The following STXBP5L variants were observed in gnomAD, a reference collection of about 807,000 sequenced individuals.
STXBP5L encodes syntaxin binding protein 5L.
STXBP5L carries 65 observed loss-of-function variants against 144.5 expected under a neutral mutation model. That is an observed-to-expected ratio of 0.45 (90% CI 0.37 to 0.55). The LOEUF is 0.55. Among genes scored for constraint, STXBP5L ranks in the 20% least tolerant of loss-of-function variants. The pLI, the probability that STXBP5L is intolerant of heterozygous loss-of-function variation, is 0.00. For synonymous variants in STXBP5L, 505 were observed against 469.6 expected (o/e 1.08, Z -0.97); for missense variants, 1,298 against 1,405.5 (o/e 0.92, Z 1.22).
intron 7 of STXBP5L, among the ~76,000 whole-genome samples, chr3:121,135,628 G>A (rs1044494155): frequency 6.6e-6 from 1 of 152,176 alleles, no homozygotes; most frequent in African/African-American, 2.4e-5. Context: ...ATCTAATGCT[G>A]CAGCTGATCT....
intron 5 of STXBP5L, among the ~76,000 whole-genome samples, chr3:121,058,349 C>A (rs987061571): frequency 6.6e-6 from 1 of 152,176 alleles, no homozygotes; most frequent in Non-Finnish European, 1.5e-5. Flanking sequence ...TGTACATGTG[C>A]CACATTTACT....
At chr3:121,047,504 T>C (rs994977689) in intron 5 of STXBP5L, among the ~76,000 whole-genome samples, 2 of 152,180 alleles carry the variant, frequency 1.3e-5, no homozygotes, top group Non-Finnish European at 2.9e-5. Flanking sequence ...TTTGTAGGTC[T>C]CTAAGAACTC....
chr3:120,988,570 T>G (rs1379139347), intron 3 of STXBP5L, among the ~76,000 whole-genome samples: 2 of 152,238 alleles, frequency 1.3e-5, no homozygotes, highest in South Asian at 4.1e-4. Context: ...GAGAAACATG[T>G]ATGTTGTTCT....
intron 9 of STXBP5L, among the ~76,000 whole-genome samples, chr3:121,160,896 C>G (rs564542692): frequency 5.5e-4 from 84 of 152,146 alleles, no homozygotes; most frequent in Middle Eastern, 3.4e-3. Flanking sequence ...TTACAATATA[C>G]TTCCTTAACT....
intron 7 of STXBP5L, among the ~76,000 whole-genome samples, chr3:121,140,548 A>G (rs1289037602): frequency 1.3e-5 from 2 of 152,220 alleles, no homozygotes; most frequent in African/African-American, 2.4e-5. Flanking sequence ...ATGGAATACT[A>G]TTCAGCCATA....
chr3:120,961,313 C>T (rs148205841), intron 3 of STXBP5L, among the ~76,000 whole-genome samples: 5,985 of 149,586 alleles, frequency 0.04, 168 homozygotes, highest in Middle Eastern at 0.084. Flanking sequence ...CTAGGGTACA[C>T]GTGCACAACG....
At chr3:121,346,325 C>T (rs1220630603) in intron 20 of STXBP5L, among the ~76,000 whole-genome samples, 2 of 152,060 alleles carry the variant, frequency 1.3e-5, no homozygotes, top group Non-Finnish European at 2.9e-5. Flanking sequence ...TGTATATGTG[C>T]CACATTTTCT....
intron 9 of STXBP5L, among the ~76,000 whole-genome samples, chr3:121,184,715 C>A (rs940745812): frequency 4.6e-5 from 7 of 152,032 alleles, no homozygotes; most frequent in Non-Finnish European, 7.4e-5. Context: ...ATACAGAGAA[C>A]ACCACAAAGA....
intron 9 of STXBP5L, among the ~76,000 whole-genome samples, chr3:121,198,965 C>A (rs756467936): frequency 1.1e-4 from 17 of 151,992 alleles, no homozygotes. Flanking sequence ...CTTACCTATA[C>A]GGGTTATTTT....
chr3:121,064,268 C>A (rs1455381738), intron 5 of STXBP5L, among the ~76,000 whole-genome samples: 5 of 152,294 alleles, frequency 3.3e-5, no homozygotes, highest in African/African-American at 1.2e-4. Context: ...GGCAACGCCC[C>A]ACCCTGCTTC....
In STXBP5L at chr3:121,026,670, G is replaced by A. The variant is rs115590731; in HGVS notation, c.288-15030G>A. On this transcript the variant is annotated intron_variant, in intron 3 of 26. Transcript: ENST00000471454. ...AATGCAAGTTGAATAAGCAGAGAAA[G>A]CATCCGTTAGTGATTCAAGAAATTT... Among the ~76,000 whole-genome samples, 177 of 152,074 alleles carry A rather than the reference G, an allele frequency of 1.2e-3. 1 individual carries two copies. The highest frequency in any genetic ancestry group is 4.0e-3 in the African/African-American group (166 of 41,512).
At chr3:121,271,221 T>C (rs1335927851) in intron 18 of STXBP5L, among the ~76,000 whole-genome samples, 1 of 152,198 alleles carries the variant, frequency 6.6e-6, no homozygotes, top group African/African-American at 2.4e-5. Flanking sequence ...AAGTATGAAA[T>C]CTTAGATTTG....
intron 5 of STXBP5L, among the ~76,000 whole-genome samples, chr3:121,097,389 T>G (rs1256066150): frequency 1.3e-5 from 2 of 152,138 alleles, no homozygotes; most frequent in Non-Finnish European, 2.9e-5. Context: ...TAGTTCAGTG[T>G]TTTCCCTAAT....
intron 5 of STXBP5L, among the ~76,000 whole-genome samples, chr3:121,091,415 T>C (rs2042786293): frequency 6.6e-6 from 1 of 151,694 alleles, no homozygotes; most frequent in Non-Finnish European, 1.5e-5. Flanking sequence ...AGTGTTCCTA[T>C]TTCTCCACAT....
At chr3:121,020,712 G>C (rs980676148) in intron 3 of STXBP5L, among the ~76,000 whole-genome samples, 1 of 152,060 alleles carries the variant, frequency 6.6e-6, no homozygotes, top group Non-Finnish European at 1.5e-5. Flanking sequence ...AACAAATTCT[G>C]AGAGAATTTG....
intron 20 of STXBP5L, among the ~76,000 whole-genome samples, chr3:121,377,405 C>T (rs1436333520): frequency 1.3e-5 from 2 of 152,120 alleles, no homozygotes; most frequent in Non-Finnish European, 2.9e-5. Context: ...AGGCAACATA[C>T]AGAGTAGGAG....
intron 19 of STXBP5L, among the ~76,000 whole-genome samples, chr3:121,313,116 G>T (rs1254373820): frequency 3.0e-4 from 43 of 143,820 alleles, no homozygotes; most frequent in African/African-American, 1.1e-3. Flanking sequence ...CCTCCCAGAC[G>T]GGGCGGCTGG....
intron 3 of STXBP5L, among the ~76,000 whole-genome samples, chr3:120,958,170 A>C (rs1401249821): frequency 6.6e-6 from 1 of 152,234 alleles, no homozygotes; most frequent in Non-Finnish European, 1.5e-5. Flanking sequence ...GAAATGGATA[A>C]ATTCCTGGAC....
chr3:121,333,717 A>G (rs763776690), intron 20 of STXBP5L, among the ~76,000 whole-genome samples: 10 of 152,154 alleles, frequency 6.6e-5, no homozygotes, highest in Non-Finnish European at 1.3e-4. Context: ...AAAGAAATAC[A>G]AGTAACCAGC....
Sources: gnomAD v4.1 joint callset for allele counts (sites outside exome capture counted in the v4.1 genomes callset) on GRCh38, gnomAD v4.1.1 for gene constraint, MANE v1.5 for transcripts, NCBI Gene and HGNC (gene_info 2026-07-23, HGNC 2026-07-21) for gene names.